Variants in RAB39A observed in about 807,000 individuals in gnomAD.
RAB39A encodes ras-related protein Rab-39A.
In RAB39A, 17 loss-of-function variants were observed where a neutral mutation model predicts 20.9. That is an observed-to-expected ratio of 0.81 (90% CI 0.56 to 1.22). RAB39A has a LOEUF of 1.22. Ranked by LOEUF, RAB39A falls within the 50% of genes most tolerant of loss-of-function variation. The pLI, the probability that RAB39A is intolerant of heterozygous loss-of-function variation, is 0.00. For missense variants in RAB39A, 234 were observed against 270.5 expected, an observed-to-expected ratio of 0.87 and a Z score of 0.95; for synonymous variants, 99 against 103.4, an observed-to-expected ratio of 0.96 and a Z score of 0.26.
At position 107,962,926 on chromosome 11, in the gene RAB39A, T is replaced by C. The variant is rs1041776852; in HGVS notation, c.*554T>C. Reference sequence around the variant, plus strand: ...TTGCCTCAACACAAGAAAATAAGTTTTATGTCCATTTTTGTTCCCTAATTT... The same window carrying C: ...TTGCCTCAACACAAGAAAATAAGTTCTATGTCCATTTTTGTTCCCTAATTT... On this transcript the variant is annotated 3_prime_UTR_variant, in exon 2 of 2. Transcript: ENST00000320578. The C allele has an allele frequency of 6.6e-6, 1 of 152,258 alleles. No homozygotes were observed. The highest frequency in any genetic ancestry group is 2.4e-5 in the African/African-American group (1 of 41,466). 9.4% of individuals were successfully genotyped at this position (152,258 alleles called of 1,614,324 possible).
At chr11:107,931,888 C>T (rs1169506518) in intron 1 of RAB39A, among the ~76,000 whole-genome samples, 1 of 115,412 alleles carries the variant, frequency 8.7e-6, no homozygotes, top group Non-Finnish European at 1.7e-5. Flanking sequence ...TTTTTTGAGA[C>T]AGGGTCTGTC....
At chr11:107,935,701 C>A (rs147193079) in intron 1 of RAB39A, among the ~76,000 whole-genome samples, 75 of 151,736 alleles carry the variant, frequency 4.9e-4, no homozygotes, top group Admixed American at 1.1e-3. Context: ...TTCTTAATTA[C>A]CACATTTTGC....
intron 1 of RAB39A, among the ~76,000 whole-genome samples, chr11:107,945,748 T>G (rs1861301270): frequency 1.3e-5 from 2 of 152,196 alleles, no homozygotes; most frequent in African/African-American, 4.8e-5. Flanking sequence ...TATCAAACAA[T>G]TTTCTCTCCC....
At chr11:107,950,746 A>T (rs1861369370) in intron 1 of RAB39A, among the ~76,000 whole-genome samples, 1 of 143,282 alleles carries the variant, frequency 7.0e-6, no homozygotes, top group Admixed American at 7.3e-5. Flanking sequence ...AGCCTGGGCG[A>T]CAGAGCGAGA....
At chr11:107,952,357 G>A (rs527920615) in intron 1 of RAB39A, among the ~76,000 whole-genome samples, 5 of 151,984 alleles carry the variant, frequency 3.3e-5, no homozygotes, top group South Asian at 2.1e-4. Flanking sequence ...CGAGGTGGGC[G>A]GATCACCTGA....
chr11:107,945,318 C>CAAAAAA lies in RAB39A; in HGVS notation c.227+16541_227+16546dup, dbSNP rs33940061. ...GCAACACAGCAAAACCCCGTCTCTA[C>CAAAAAA]AAAAAAAAAAAAAAAAAAAAAAAGT... On this transcript the variant is annotated intron_variant, in intron 1 of 1. Transcript: ENST00000320578. 4.6e-4 allele frequency among the ~76,000 whole-genome samples: 40 copies of CAAAAAA among 87,446 alleles called. 1 individual carries two copies. The highest frequency in any genetic ancestry group is 1.4e-3 in the Admixed American group (10 of 7,018). 57.4% of individuals were successfully genotyped at this position (87,446 alleles called of 152,430 possible).
At chr11:107,954,917 C>G (rs751563472) in intron 1 of RAB39A, among the ~76,000 whole-genome samples, 123 of 150,018 alleles carry the variant, frequency 8.2e-4, no homozygotes, top group Non-Finnish European at 9.0e-4. Flanking sequence ...CATTTAGTCT[C>G]TATCAAAGCC....
At chr11:107,939,243 C>CAAAAA (rs138488479) in intron 1 of RAB39A, among the ~76,000 whole-genome samples, 4 of 68,552 alleles carry the variant, frequency 5.8e-5, no homozygotes, top group Non-Finnish European at 8.2e-5. Context: ...GACTCTGTCT[C>CAAAAA]AAAAAAAAAA....
At chr11:107,930,624 G>A (rs1411078325) in intron 1 of RAB39A, among the ~76,000 whole-genome samples, 1 of 152,134 alleles carries the variant, frequency 6.6e-6, no homozygotes, top group Non-Finnish European at 1.5e-5. Flanking sequence ...TTGGGATACT[G>A]AGGCGGGTGG....
At chr11:107,932,003 A>T (rs1329416958) in intron 1 of RAB39A, among the ~76,000 whole-genome samples, 1 of 150,960 alleles carries the variant, frequency 6.6e-6, no homozygotes, top group Non-Finnish European at 1.5e-5. Context: ...GAGACTACAG[A>T]CACACACCAC....
chr11:107,946,446 A>G (rs1382584340), intron 1 of RAB39A, among the ~76,000 whole-genome samples: 15 of 63,466 alleles, frequency 2.4e-4, no homozygotes, highest in African/African-American at 9.0e-4. Flanking sequence ...GTATATATAT[A>G]TATATATATA....
chr11:107,935,132 A>G (rs1466702563), intron 1 of RAB39A, among the ~76,000 whole-genome samples: 1 of 152,048 alleles, frequency 6.6e-6, no homozygotes, highest in Non-Finnish European at 1.5e-5. Flanking sequence ...CCCGATCCAG[A>G]CCCCAAGAGA....
intron 1 of RAB39A, among the ~76,000 whole-genome samples, chr11:107,943,020 G>A (rs1861274773): frequency 6.6e-6 from 1 of 152,146 alleles, no homozygotes; most frequent in Non-Finnish European, 1.5e-5. Context: ...AACACCTATG[G>A]CATCAGTAAC....
At chr11:107,930,732 C>T (rs1049674014) in intron 1 of RAB39A, among the ~76,000 whole-genome samples, 11 of 151,628 alleles carry the variant, frequency 7.3e-5, no homozygotes, top group South Asian at 4.2e-4. Context: ...GGTGTGTGCC[C>T]GTAGTCCCAG....
chr11:107,945,583 C>T (rs1861299983), intron 1 of RAB39A, among the ~76,000 whole-genome samples: 1 of 152,032 alleles, frequency 6.6e-6, no homozygotes, highest in Non-Finnish European at 1.5e-5. Flanking sequence ...ATATCTAAAA[C>T]CCAACCCAAT....
intron 1 of RAB39A, among the ~76,000 whole-genome samples, chr11:107,932,591 T>C (rs534527482): frequency 2.0e-4 from 30 of 152,240 alleles, no homozygotes; most frequent in Non-Finnish European, 4.0e-4. Flanking sequence ...TCTCAATTCA[T>C]TGGGGAGATC....
chr11:107,936,876 G>A (rs1407280362), intron 1 of RAB39A, among the ~76,000 whole-genome samples: 1 of 151,474 alleles, frequency 6.6e-6, no homozygotes, highest in African/African-American at 2.4e-5. Context: ...CAAGGTTGCA[G>A]TGAGCCGAGA....
chr11:107,954,123 A>G (rs1197392809), intron 1 of RAB39A, among the ~76,000 whole-genome samples: 1 of 152,178 alleles, frequency 6.6e-6, no homozygotes, highest in Non-Finnish European at 1.5e-5. Flanking sequence ...TGTCCCCTCA[A>G]TGATGGTCCC....
At chr11:107,953,059 G>A (rs1040338166) in intron 1 of RAB39A, among the ~76,000 whole-genome samples, 1 of 152,150 alleles carries the variant, frequency 6.6e-6, no homozygotes, top group African/African-American at 2.4e-5. Flanking sequence ...TAGGATTTTA[G>A]TCATGTAAGA....
Sources: allele counts gnomAD v4.1 joint callset (sites outside exome capture counted in the v4.1 genomes callset), GRCh38; gene constraint gnomAD v4.1.1; transcripts MANE v1.5; gene names NCBI Gene and HGNC (gene_info 2026-07-23, HGNC 2026-07-21).